The following CADPS variants were observed in gnomAD, a reference collection of about 807,000 sequenced individuals.
The protein encoded by CADPS is calcium dependent secretion activator.
Under a neutral mutation model 167.3 loss-of-function variants are expected in CADPS, and 57 were observed. The observed-to-expected ratio is 0.34, with a 90% CI of 0.28 to 0.42. CADPS has a LOEUF of 0.42. Ranked by LOEUF, CADPS falls within the 20% of genes least tolerant of loss-of-function variation. The pLI is 1.00. For missense variants in CADPS, 1,414 were observed against 1,738.1 expected (o/e 0.81, Z 3.32); for synonymous variants, 676 against 635.3 (o/e 1.06, Z -0.96).
At chr3:62,556,592 G>A (rs187748720) in intron 10 of CADPS, among the ~76,000 whole-genome samples, 1 of 152,288 alleles carries the variant, frequency 6.6e-6, no homozygotes, top group East Asian at 1.9e-4. Context: ...GGAGAGGGCT[G>A]TTGGTGCTTG....
intron 13 of CADPS, among the ~76,000 whole-genome samples, chr3:62,519,403 G>A (rs1360573062): frequency 6.6e-6 from 1 of 152,138 alleles, no homozygotes; most frequent in Non-Finnish European, 1.5e-5. Flanking sequence ...CCTGTTACGG[G>A]TTAATCAGTC....
chr3:62,703,333 G>A (rs1419962835), intron 3 of CADPS, among the ~76,000 whole-genome samples: 1 of 152,124 alleles, frequency 6.6e-6, no homozygotes, highest in African/African-American at 2.4e-5. Flanking sequence ...CTTAATCCAG[G>A]GAGGGAGCTC....
At chr3:62,418,627 C>T (rs1385361853) in intron 28 of CADPS, among the ~76,000 whole-genome samples, 1 of 151,598 alleles carries the variant, frequency 6.6e-6, no homozygotes. Flanking sequence ...AGGTGTGAGC[C>T]ACCAAGCCCG....
chr3:62,711,003 T>C (rs1030288396), intron 3 of CADPS, among the ~76,000 whole-genome samples: 6 of 152,248 alleles, frequency 3.9e-5, no homozygotes, highest in African/African-American at 1.2e-4. Flanking sequence ...CCAGTCACTG[T>C]TGCTTCTGTA....
At chr3:62,661,784 T>C (rs2073273652) in intron 4 of CADPS, among the ~76,000 whole-genome samples, 1 of 152,012 alleles carries the variant, frequency 6.6e-6, no homozygotes, top group South Asian at 2.1e-4. Flanking sequence ...GCACCAGTAG[T>C]AGGGCTGGAA....
At chr3:62,769,121 T>C (rs1167811965) in intron 1 of CADPS, among the ~76,000 whole-genome samples, 1 of 152,126 alleles carries the variant, frequency 6.6e-6, no homozygotes, top group African/African-American at 2.4e-5. Flanking sequence ...AATACTGACC[T>C]CATAGGGTTG....
intron 17 of CADPS, among the ~76,000 whole-genome samples, chr3:62,501,445 G>C (rs2065753493): frequency 6.6e-6 from 1 of 151,998 alleles, no homozygotes; most frequent in Non-Finnish European, 1.5e-5. Context: ...TTTGTTCGTT[G>C]ATATTCACAT....
intron 9 of CADPS, among the ~76,000 whole-genome samples, chr3:62,564,338 G>A (rs2079734691): frequency 6.6e-6 from 1 of 152,120 alleles, no homozygotes; most frequent in African/African-American, 2.4e-5. Context: ...ACAAGCCATT[G>A]ACCTTGGGCA....
chr3:62,868,473 T>C (rs1469919833), intron 1 of CADPS, among the ~76,000 whole-genome samples: 1 of 152,138 alleles, frequency 6.6e-6, no homozygotes, highest in African/African-American at 2.4e-5. Context: ...AGTGTTGTCA[T>C]ATCTTCCACT....
Position 62,532,878 on chromosome 3 carries a change from C to T in CADPS, c.2284G>A (p.Gly762Arg). ...ACACGAACACACACTTACCTGTTCC[C>T]ATGGACATGGGATGCACAGAAGGCA... ...SFAFCASHVH[G>R]NRPDGIGTVT... Residue 762 changes from glycine (G) to arginine (R), a missense_variant, in exon 13 of 30, where the codon GGG becomes AGG. Gly to Arg is a moderately radical substitution (Grantham distance 125, BLOSUM62 -2). Coordinates refer to ENST00000383710, the MANE Select transcript of CADPS (RefSeq NM_003716.4). 1 of 1,613,496 alleles carries T rather than the reference C, an allele frequency of 6.2e-7. No individual in the cohort carries two copies. Among genetic ancestry groups the T allele is most frequent in the Non-Finnish European group, 8.5e-7 (1 of 1,179,686 alleles).
chr3:62,649,105 C>A (rs1047141278), intron 5 of CADPS, among the ~76,000 whole-genome samples: 1 of 152,176 alleles, frequency 6.6e-6, no homozygotes, highest in Non-Finnish European at 1.5e-5. Context: ...ATATTCTAAT[C>A]AACTGCACAG....
chr3:62,452,778 A>G (rs905640157), intron 26 of CADPS, among the ~76,000 whole-genome samples: 3 of 152,204 alleles, frequency 2.0e-5, no homozygotes, highest in African/African-American at 4.8e-5. Flanking sequence ...TCTATCTATT[A>G]CAGTAGGGAG....
chr3:62,543,342 A>G (rs1328001718), intron 11 of CADPS, among the ~76,000 whole-genome samples: 3 of 152,220 alleles, frequency 2.0e-5, no homozygotes, highest in Non-Finnish European at 4.4e-5. Context: ...TAAGGCAAAC[A>G]ATTGTTTAAA....
At chr3:62,732,059 C>T (rs1271255315) in intron 3 of CADPS, among the ~76,000 whole-genome samples, 7 of 152,028 alleles carry the variant, frequency 4.6e-5, no homozygotes, top group African/African-American at 1.7e-4. Flanking sequence ...CAAACATTGT[C>T]TCATTTTGAA....
chr3:62,719,177 C>T (rs892721881), intron 3 of CADPS, among the ~76,000 whole-genome samples: 1 of 152,192 alleles, frequency 6.6e-6, no homozygotes, highest in Non-Finnish European at 1.5e-5. Flanking sequence ...GGCCTAGCCC[C>T]TGCCTGCCTT....
At chr3:62,607,618 G>A (rs2060867867) in intron 6 of CADPS, among the ~76,000 whole-genome samples, 1 of 152,184 alleles carries the variant, frequency 6.6e-6, no homozygotes, top group Non-Finnish European at 1.5e-5. Context: ...CAGGGCTTTG[G>A]CTGCCCTCCA....
intron 2 of CADPS, among the ~76,000 whole-genome samples, chr3:62,755,540 C>CAGCA (rs1252232683): frequency 6.6e-6 from 1 of 152,194 alleles, no homozygotes; most frequent in African/African-American, 2.4e-5. Flanking sequence ...GGCCATGAGA[C>CAGCA]AGCACTGCCT....
At chr3:62,792,086 C>T (rs568333987) in intron 1 of CADPS, among the ~76,000 whole-genome samples, 1 of 152,104 alleles carries the variant, frequency 6.6e-6, no homozygotes, top group Non-Finnish European at 1.5e-5. Flanking sequence ...CAAGAATGCA[C>T]CACTCTAATC....
intron 17 of CADPS, among the ~76,000 whole-genome samples, chr3:62,501,475 T>G (rs1462315599): frequency 6.6e-6 from 1 of 152,146 alleles, no homozygotes; most frequent in Non-Finnish European, 1.5e-5. Flanking sequence ...AATTTGCAAA[T>G]TCCTCATCCT....
Sources: gnomAD v4.1 joint callset for allele counts (sites outside exome capture counted in the v4.1 genomes callset) on GRCh38, gnomAD v4.1.1 for gene constraint, MANE v1.5 for transcripts, NCBI Gene and HGNC (gene_info 2026-07-23, HGNC 2026-07-21) for gene names.